Variants in COL16A1 observed in about 807,000 individuals in gnomAD.
COL16A1 encodes the protein collagen alpha-1(XVI) chain.
COL16A1 carries 189 observed loss-of-function variants against 266.3 expected under a neutral mutation model. The ratio of observed to expected loss-of-function variants is 0.71; its 90% CI spans 0.63 to 0.80. The LOEUF is 0.80. Among genes scored for constraint, COL16A1 ranks in the 30% least tolerant of loss-of-function variants. COL16A1 has a pLI of 0.00. For synonymous variants in COL16A1, 740 were observed against 782.3 expected (o/e 0.95, Z 0.90); for missense variants, 1,928 against 2,122.4 (o/e 0.91, Z 1.80).
intron 49 of COL16A1, chr1:31,669,962 C>G (rs1642505839): frequency 6.6e-6 from 1 of 152,302 alleles, no homozygotes. Flanking sequence ...GGACTGGAGC[C>G]AAGGAAGAGG....
At chr1:31,696,290 G>A (rs1297203001) in intron 8 of COL16A1, 149 bp from the exon 9 acceptor site, 2 of 625,640 alleles carry the variant, frequency 3.2e-6, no homozygotes, top group East Asian at 2.8e-5. Context: ...GCCTGCTCAG[G>A]CCCCTGTGGC....
At chr1:31,655,191 C>T in intron 67 of COL16A1, 123 bp downstream of exon 67, 1 of 1,443,956 alleles carries the variant, frequency 6.9e-7, no homozygotes, top group Non-Finnish European at 9.2e-7. Context: ...TTAAGAGCTG[C>T]CCTCTATGGG....
In COL16A1 at chr1:31,694,180, C is replaced by T. The variant is rs189190050; in HGVS notation, c.982-10G>A. The T allele has an allele frequency of 2.8e-3, 4,432 of 1,584,812 alleles. 14 individuals carry two copies. The highest frequency in any genetic ancestry group is 8.0e-3 in the Middle Eastern group (48 of 5,998). On this transcript the variant is annotated splice_polypyrimidine_tract_variant and intron_variant, in intron 11 of 70. Transcript: ENST00000373672. ...AGGGAGCAAGTGTGACCTGAGGGGACAGAGGAGAGGGCATCACACTTCCGG... is the reference window on the plus strand; with the variant it reads ...AGGGAGCAAGTGTGACCTGAGGGGATAGAGGAGAGGGCATCACACTTCCGG...
chr1:31,681,620 T>A (rs1209941330), intron 37 of COL16A1, among the ~76,000 whole-genome samples: 1 of 152,232 alleles, frequency 6.6e-6, no homozygotes, highest in East Asian at 1.9e-4. Flanking sequence ...GCCTGCTGGA[T>A]GGAATTCAGC....
At chr1:31,684,971 C>A (rs746210715) in intron 29 of COL16A1, 115 bp from the exon 30 acceptor site, 1 of 1,582,762 alleles carries the variant, frequency 6.3e-7, no homozygotes, top group South Asian at 1.1e-5. Context: ...TCTCTGCTTT[C>A]GTGCTAGTGA....
At chr1:31,693,726 G>C (rs757317366) in intron 12 of COL16A1, among the ~76,000 whole-genome samples, 1 of 152,150 alleles carries the variant, frequency 6.6e-6, no homozygotes, top group Admixed American at 6.5e-5. Flanking sequence ...TCCAGCCTTC[G>C]TGTGCCACAC....
rs1644078425 is a variant in COL16A1 at position 31,688,067 on chromosome 1, C to T, written c.1803+400G>A. Among the ~76,000 whole-genome samples the T allele has an allele frequency of 6.6e-6, 1 of 152,148 alleles. No individual in the cohort carries two copies. The highest frequency in any genetic ancestry group is 1.5e-5 in the Non-Finnish European group (1 of 68,028). On this transcript the variant is annotated intron_variant, in intron 26 of 70. Coordinates refer to ENST00000373672, the MANE Select transcript of COL16A1 (RefSeq NM_001856.4). This position sits in a 1 kb window ranked among gnomAD's most constrained non-coding sequence, Gnocchi z 4.9. ...AATTTACTTGGCCTTTGTGTGCCTCCGTTTCCTCATCTGTGAAATGGGAAT... is the reference window on the plus strand; with the variant it reads ...AATTTACTTGGCCTTTGTGTGCCTCTGTTTCCTCATCTGTGAAATGGGAAT...
rs1266406474 is a variant in COL16A1 at position 31,670,128 on chromosome 1, A to C, written c.3195+474T>G. The stretch of plus-strand genomic sequence containing the variant: ...CAATGTGAAGCCCTAAAGCTTTGGC[A>C]TCTCTGCTGGGCTCTGAGCCAGGTG... On this transcript the variant is annotated intron_variant, in intron 49 of 70. Transcript: ENST00000373672. The surrounding 1 kb of genome is among the most constrained non-coding windows in gnomAD (Gnocchi z 4.5). The C allele has an allele frequency of 1.3e-5, 2 of 156,718 alleles. No individual in the cohort carries two copies. The highest frequency in any genetic ancestry group is 1.3e-4 in the Admixed American group (2 of 15,374). The allele number at this position is 156,718 out of a possible 1,614,324, so 9.7% of individuals were successfully genotyped here.
chr1:31,682,797 C>G, intron 37 of COL16A1, 137 bp downstream of exon 37: 1 of 1,049,890 alleles, frequency 9.5e-7, no homozygotes, highest in Non-Finnish European at 1.4e-6. Flanking sequence ...TTTTCCTTGT[C>G]TGAGGCTGGG....
chr1:31,665,066 G>A (rs1642010078), intron 56 of COL16A1, 106 bp downstream of exon 56: 3 of 1,504,498 alleles, frequency 2.0e-6, no homozygotes, highest in Non-Finnish European at 2.7e-6. Flanking sequence ...CAGTGCAACT[G>A]GGTCAGTCTT....
rs1381248245 is a variant in COL16A1, at chr1:31,655,363, G to A, written c.4241C>T (p.Ala1414Val). Residue 1414 changes from alanine (A) to valine (V), a missense_variant, in exon 67 of 71, where the codon GCT (alanine) becomes GTT (valine). Coordinates refer to ENST00000373672, the MANE Select transcript of COL16A1 (RefSeq NM_001856.4). ...GPAGERGHPG[A>V]PGPSGSPGLP... ...GCCAGGGCTCCCCGAAGGCCCCGGA[G>A]CTCCAGGGTGGCCTCTCTCTCCTGC... 1 of 1,613,736 alleles carries A rather than the reference G, an allele frequency of 6.2e-7. No individual in the cohort carries two copies. The highest frequency in any genetic ancestry group is 8.5e-7 in the Non-Finnish European group (1 of 1,179,938).
At chr1:31,701,928 A>G (rs1277924951) in intron 2 of COL16A1, among the ~76,000 whole-genome samples, 193 bp downstream of exon 2, 1 of 152,124 alleles carries the variant, frequency 6.6e-6, no homozygotes, top group Non-Finnish European at 1.5e-5. Context: ...AGACACAGGC[A>G]CACACACTCT....
rs199900777 is a variant in COL16A1 at position 31,688,843 on chromosome 1, G to A, written c.1767+18C>T. The A allele has an allele frequency of 1.1e-5, 18 of 1,607,588 alleles. No homozygotes were observed. The African/African-American group carries it at 2.1e-4, about 19-fold the overall frequency. ...GGATGGCTGAACTGGGCTGGGCTGG[G>A]AGAAAGTCGTCACTCACCGGAAGGC... On this transcript the variant is annotated intron_variant, in intron 25 of 70. Transcript: ENST00000373672. This position sits in a 1 kb window ranked among gnomAD's most constrained non-coding sequence, Gnocchi z 4.9.
chr1:31,665,460 C>T (rs1642046291), intron 55 of COL16A1, 123 bp downstream of exon 55: 5 of 1,562,506 alleles, frequency 3.2e-6, no homozygotes, highest in Non-Finnish European at 4.4e-6. Flanking sequence ...CCACCCAGGC[C>T]GTTCTCCCCT....
At position 31,664,903 on chromosome 1, in the gene COL16A1, T is replaced by TC. The variant is rs1459758407; in HGVS notation, c.3555+268dup. 1.3e-5 allele frequency among the ~76,000 whole-genome samples: 2 copies of TC among 151,430 alleles called. No homozygotes were observed. The highest frequency in any genetic ancestry group is 3.9e-4 in the East Asian group (2 of 5,126). On this transcript the variant is annotated intron_variant, in intron 56 of 70. Transcript: ENST00000373672. This position sits in a 1 kb window ranked among gnomAD's most constrained non-coding sequence, Gnocchi z 5.5. ...TCCTCCCCACCTACCTCCCTGCCTTTCCCCCCATCACAGCAGACAAGGGCC... is the reference window on the plus strand; with the variant it reads ...TCCTCCCCACCTACCTCCCTGCCTTTCCCCCCCATCACAGCAGACAAGGGCC...
rs75826603 is a variant in COL16A1 at position 31,670,812 on chromosome 1, G to A, written c.3151-166C>T. On this transcript the variant is annotated intron_variant, in intron 48 of 70. Transcript: ENST00000373672. This position sits in a 1 kb window ranked among gnomAD's most constrained non-coding sequence, Gnocchi z 4.5. ...GAAAGTCTTGGCTCAAAAGACAACT[G>A]TTCCTCCCCTTGGCTCCAGGAAGAA... 0.022 allele frequency among the ~76,000 whole-genome samples: 3,410 copies of A among 152,316 alleles called. 37 individuals carry two copies. Among genetic ancestry groups the A allele is most frequent in the Middle Eastern group, 0.054 (16 of 294 alleles).
Position 31,664,037 on chromosome 1 carries a change from A to C in COL16A1, c.3555+1135T>G, listed in dbSNP as rs538530544. ...CACCAGGAGGGGTCAGCAGAGCCCC[A>C]ACCAATGTTGGCCCCCACTGGCAGT... is the stretch of plus-strand genomic sequence containing the variant. On this transcript the variant is annotated intron_variant, in intron 56 of 70. Transcript: ENST00000373672. The surrounding 1 kb of genome is among the most constrained non-coding windows in gnomAD (Gnocchi z 5.5). Among the ~76,000 whole-genome samples the C allele has an allele frequency of 3.9e-5, 6 of 152,302 alleles. No homozygotes were observed. Among genetic ancestry groups the C allele is most frequent in the Admixed American group, 3.9e-4 (6 of 15,306 alleles).
intron 37 of COL16A1, 69 bp downstream of exon 37, chr1:31,682,865 G>A (rs181302593): frequency 6.3e-7 from 1 of 1,594,654 alleles, no homozygotes; most frequent in African/African-American, 1.3e-5. Flanking sequence ...TCAGCCCTGT[G>A]CCCTCTTCCC....
In COL16A1 at chr1:31,666,071, C is replaced by A. The variant is rs1181469733; in HGVS notation, c.3368G>T (p.Gly1123Val). The change falls in exon 53 of 71, where the codon GGA (glycine) becomes GTA (valine). Residue 1123 changes from glycine (G) to valine (V), a missense_variant. By Grantham distance (109) the Gly-to-Val change is moderately radical. Around this residue, in one of 2 missense-constraint regions of COL16A1, gnomAD observed 1,552 missense variants for 1,637.2 expected, o/e 0.95. Coordinates refer to ENST00000373672, the MANE Select transcript of COL16A1 (RefSeq NM_001856.4). Reference protein sequence around the residue: ...AGEKGEPGPPGSEGLPGPPGP... With the variant: ...AGEKGEPGPPVSEGLPGPPGP... ...TGGGGGGCCTGGGAGGCCTTCAGAT[C>A]CTGGGGGGCCCTAAGGATACAAAGG... 6.2e-7 allele frequency: 1 copy of A among 1,611,634 alleles called. No homozygotes were observed. The highest frequency in any genetic ancestry group is 8.5e-7 in the Non-Finnish European group (1 of 1,179,352).
Sources: gnomAD v4.1 joint callset for allele counts (sites outside exome capture counted in the v4.1 genomes callset) on GRCh38, gnomAD v4.1.1 for gene constraint, gnomAD v4.1.1 regional missense constraint, Gnocchi (gnomAD v3.1) non-coding constraint, MANE v1.5 for transcripts, NCBI Gene and HGNC (gene_info 2026-07-23, HGNC 2026-07-21) for gene names.